CUX1: variants seen among roughly 807,000 people sequenced by gnomAD.
CUX1 encodes protein CASP.
A neutral mutation model predicts 158.8 loss-of-function variants in CUX1; 31 were observed. The ratio of observed to expected loss-of-function variants is 0.20; its 90% CI spans 0.15 to 0.26. The LOEUF (loss-of-function observed/expected upper bound fraction) is 0.26, where lower values mean the gene tolerates loss of function less well. CUX1 is among the 10% of genes least tolerant of loss of function. The probability of loss-of-function intolerance (pLI) is 1.00; values close to 1 mark genes in which losing one functional copy is unlikely to be tolerated. For missense variants in CUX1, 1,589 were observed against 2,014.6 expected (o/e 0.79, Z 4.04); for synonymous variants, 879 against 862.1 (o/e 1.02, Z -0.34).
In CUX1 at chr7:102,087,727, A is replaced by G. The variant is rs145470617; in HGVS notation, c.269-9637A>G. 6.0e-3 allele frequency among the ~76,000 whole-genome samples: 917 copies of G among 152,276 alleles called. 9 individuals are homozygous for G. Among genetic ancestry groups the G allele is most frequent in the African/African-American group, 0.021 (888 of 41,564 alleles). On this transcript the variant is annotated intron_variant, in intron 4 of 23. Transcript: ENST00000292535. ...GTGCATTTTTACTGATTTTACTTCT[A>G]CCTATACTACAACGCTATAATACAT...
At chr7:102,059,285 C>T (rs1291903621) in intron 3 of CUX1, among the ~76,000 whole-genome samples, 1 of 152,154 alleles carries the variant, frequency 6.6e-6, no homozygotes, top group Non-Finnish European at 1.5e-5. Context: ...GATCCCACAC[C>T]CTTTCTCCAA....
intron 3 of CUX1, among the ~76,000 whole-genome samples, chr7:102,042,104 C>A (rs1206056929): frequency 6.6e-6 from 1 of 151,998 alleles, no homozygotes; most frequent in Non-Finnish European, 1.5e-5. Context: ...CCCCATCTTA[C>A]CAGTACTTGC....
intron 1 of CUX1, among the ~76,000 whole-genome samples, chr7:101,828,031 C>T (rs909395305): frequency 1.4e-5 from 2 of 141,954 alleles, no homozygotes; most frequent in Non-Finnish European, 1.5e-5. Flanking sequence ...GGCTGGAGTG[C>T]GGTGGCGGAT....
intron 21 of CUX1, among the ~76,000 whole-genome samples, chr7:102,229,389 C>T (rs549065440): frequency 1.3e-5 from 2 of 150,978 alleles, no homozygotes; most frequent in Admixed American, 6.6e-5. Flanking sequence ...TACAGCCTCT[C>T]GGCTCACTGA....
intron 14 of CUX1, among the ~76,000 whole-genome samples, chr7:102,270,016 C>T (rs1554545926): frequency 1.3e-5 from 2 of 152,254 alleles, no homozygotes; most frequent in Non-Finnish European, 2.9e-5. Flanking sequence ...CGGGCCTCCC[C>T]ACCTGGGTTC....
At position 102,119,386 on chromosome 7, in the gene CUX1, A is replaced by G. The variant is rs1170587560; in HGVS notation, c.674+4113A>G. On this transcript the variant is annotated intron_variant, in intron 8 of 23. Coordinates refer to ENST00000292535, the MANE Select transcript of CUX1 (RefSeq NM_181552.4). The stretch of plus-strand genomic sequence containing the variant: ...GTCATCGCCATGCGTCAGCTGGGAC[A>G]GCACGGGCTGACTGTGGCAGACAAC... Among the ~76,000 whole-genome samples the G allele has an allele frequency of 3.3e-5, 5 of 152,362 alleles. No individual in the cohort carries two copies. The South Asian group carries it at 1.0e-3, about 32-fold the overall frequency.
chr7:101,879,400 C>G (rs1799483670), intron 1 of CUX1, among the ~76,000 whole-genome samples: 1 of 152,224 alleles, frequency 6.6e-6, no homozygotes, highest in African/African-American at 2.4e-5. Flanking sequence ...ACCCCTCCCT[C>G]TCTTCTATTT....
intron 8 of CUX1, among the ~76,000 whole-genome samples, chr7:102,129,374 G>C (rs529760540): frequency 3.1e-5 from 4 of 127,966 alleles, no homozygotes; most frequent in Admixed American, 2.4e-4. Context: ...TGCCTTCATA[G>C]ATGGGTCTCT....
At chr7:102,018,317 C>A (rs1818914047) in intron 2 of CUX1, among the ~76,000 whole-genome samples, 1 of 152,216 alleles carries the variant, frequency 6.6e-6, no homozygotes, top group Non-Finnish European at 1.5e-5. Flanking sequence ...ATTTTGAAAT[C>A]AGACCTAGAG....
intron 6 of CUX1, among the ~76,000 whole-genome samples, chr7:102,104,688 G>A (rs948935781): frequency 4.6e-5 from 7 of 151,990 alleles, no homozygotes; most frequent in East Asian, 3.9e-4. Flanking sequence ...TCAGGAGTTC[G>A]AGACCAGCAT....
intron 11 of CUX1, among the ~76,000 whole-genome samples, chr7:102,182,894 T>C (rs1793244077): frequency 6.6e-6 from 1 of 152,176 alleles, no homozygotes. Flanking sequence ...AACACCAGTC[T>C]CCCAGAAGGA....
chr7:102,235,328 G>A (rs1318916462), intron 22 of CUX1, among the ~76,000 whole-genome samples: 1 of 152,200 alleles, frequency 6.6e-6, no homozygotes, highest in Non-Finnish European at 1.5e-5. Context: ...GCAGAGACTG[G>A]GAACCAGCTG....
rs2132655779 is a variant in CUX1 at position 102,251,651 on chromosome 7, G to C, written c.*2609G>C. 1 of 985,406 alleles carries C rather than the reference G, an allele frequency of 1.0e-6. No individual in the cohort carries two copies. Among genetic ancestry groups the C allele is most frequent in the Admixed American group, 6.1e-5 (1 of 16,286 alleles). The allele number at this position is 985,406 out of a possible 1,614,324, so 61.0% of individuals were successfully genotyped here. A position where few individuals can be genotyped will look rare whatever the true frequency, so the allele number is the denominator to read the frequency against. ...TCGATTCAGGTGCATTGAGAAGAGTGAGTTCACATCGGTGACCCTTAGGAC... is the reference window on the plus strand; with the variant it reads ...TCGATTCAGGTGCATTGAGAAGAGTCAGTTCACATCGGTGACCCTTAGGAC... On this transcript the variant is annotated 3_prime_UTR_variant, in exon 24 of 24. Coordinates refer to ENST00000292535, the MANE Select transcript of CUX1 (RefSeq NM_181552.4).
At chr7:102,139,506 C>T (rs1554499634) in intron 8 of CUX1, among the ~76,000 whole-genome samples, 1 of 152,172 alleles carries the variant, frequency 6.6e-6, no homozygotes, top group African/African-American at 2.4e-5. Flanking sequence ...CATTAAGACT[C>T]CTTTCCAGCC....
At chr7:102,042,239 G>A (rs1446612781) in intron 3 of CUX1, among the ~76,000 whole-genome samples, 1 of 152,200 alleles carries the variant, frequency 6.6e-6, no homozygotes. Flanking sequence ...TTGCTCACAT[G>A]TTTCCAGAAA....
At chr7:102,052,641 CT>C (rs1194946430) in intron 3 of CUX1, among the ~76,000 whole-genome samples, 1 of 152,110 alleles carries the variant, frequency 6.6e-6, no homozygotes, top group Admixed American at 6.5e-5. Context: ...ACACTTTTGT[CT>C]TTCTTGCCTA....
chr7:102,222,995 G>T (rs565061952), intron 20 of CUX1, among the ~76,000 whole-genome samples: 1 of 150,780 alleles, frequency 6.6e-6, no homozygotes, highest in African/African-American at 2.4e-5. Flanking sequence ...GTAGAGATGG[G>T]GTTTCACCAT....
At chr7:102,033,805 T>C (rs1821085163) in intron 3 of CUX1, among the ~76,000 whole-genome samples, 1 of 152,134 alleles carries the variant, frequency 6.6e-6, no homozygotes, top group Non-Finnish European at 1.5e-5. Context: ...TAATATAACC[T>C]TGATACCAAA....
chr7:102,266,561 C>T (rs1055896630), intron 14 of CUX1, among the ~76,000 whole-genome samples: 40 of 152,002 alleles, frequency 2.6e-4, no homozygotes, highest in Admixed American at 6.6e-4. Context: ...AATGGCATCC[C>T]GCATGGCCAG....
Sources: allele counts gnomAD v4.1 joint callset (sites outside exome capture counted in the v4.1 genomes callset), GRCh38; gene constraint gnomAD v4.1.1; transcripts MANE v1.5; gene names NCBI Gene and HGNC (gene_info 2026-07-23, HGNC 2026-07-21).